Variants in RAB38 observed in about 807,000 individuals in gnomAD.
RAB38 encodes ras-related protein Rab-38.
In RAB38, 15 loss-of-function variants were observed where a neutral mutation model predicts 18.4. The ratio of observed to expected loss-of-function variants is 0.82; its 90% CI spans 0.55 to 1.26. The LOEUF is 1.26. Among genes scored for constraint, RAB38 ranks in the 50% most tolerant of loss-of-function variants. RAB38 has a pLI of 0.00. For missense variants in RAB38, 294 were observed against 267.4 expected (o/e 1.10, Z -0.69); for synonymous variants, 101 against 104.4 (o/e 0.97, Z 0.20).
At chr11:87,953,662 A>G in the RAB38 span, among the ~76,000 whole-genome samples, 5 of 152,174 alleles carry the variant, frequency 3.3e-5, no homozygotes, top group East Asian at 1.9e-4. Flanking sequence ...AAAACATACT[A>G]TCATGGTCTA....
the RAB38 span, among the ~76,000 whole-genome samples, chr11:87,822,141 C>A: frequency 6.7e-6 from 1 of 149,022 alleles, no homozygotes; most frequent in Non-Finnish European, 1.5e-5. Context: ...CAAGAGAAAC[C>A]AAAAAGTGTA....
At chr11:88,028,119 G>A in the RAB38 span, among the ~76,000 whole-genome samples, 4 of 152,136 alleles carry the variant, frequency 2.6e-5, no homozygotes, top group East Asian at 1.9e-4. Context: ...ACGCAAACAG[G>A]GTCTGGAGTG....
At chr11:87,886,316 AGTGT>A in the RAB38 span, among the ~76,000 whole-genome samples, 11 of 149,422 alleles carry the variant, frequency 7.4e-5, 1 homozygote, top group South Asian at 1.5e-3. Context: ...CTATGTTGTG[AGTGT>A]GTGTGTGTGT....
chr11:87,912,818 AC>A, the RAB38 span, among the ~76,000 whole-genome samples: 2 of 118,414 alleles, frequency 1.7e-5, no homozygotes, highest in Non-Finnish European at 3.6e-5. Flanking sequence ...TTTATACTAA[AC>A]ATATTCAGCA....
At chr11:87,829,692 A>G in the RAB38 span, among the ~76,000 whole-genome samples, 66 of 152,300 alleles carry the variant, frequency 4.3e-4, no homozygotes, top group African/African-American at 1.6e-3. Flanking sequence ...CTCTGAATCT[A>G]AAATAAAATA....
chr11:87,958,090 C>T, the RAB38 span, among the ~76,000 whole-genome samples: 1 of 152,036 alleles, frequency 6.6e-6, no homozygotes, highest in Non-Finnish European at 1.5e-5. Context: ...TGATCTCTTC[C>T]CAGGCTAGCA....
the RAB38 span, among the ~76,000 whole-genome samples, chr11:88,015,351 G>C: frequency 6.6e-6 from 1 of 152,108 alleles, no homozygotes; most frequent in Non-Finnish European, 1.5e-5. Context: ...ATGTAGTGTG[G>C]AGTCAGATTG....
the RAB38 span, among the ~76,000 whole-genome samples, chr11:87,976,576 T>C: frequency 3.0e-5 from 1 of 32,944 alleles, no homozygotes; most frequent in Non-Finnish European, 6.4e-5. Context: ...ATACAATAAA[T>C]ATATATATTT....
the RAB38 span, among the ~76,000 whole-genome samples, chr11:88,102,395 C>A: frequency 5.1e-4 from 78 of 152,108 alleles, no homozygotes; most frequent in African/African-American, 1.9e-3. Context: ...GATGACTGCT[C>A]TAGCTCTCAG....
intron 1 of RAB38, among the ~76,000 whole-genome samples, chr11:88,151,445 A>G (rs1943062598): frequency 6.6e-6 from 1 of 152,304 alleles, no homozygotes; most frequent in Admixed American, 6.5e-5. Context: ...TGAAGACAGG[A>G]GCTAATGAAG....
chr11:87,936,113 T>A, the RAB38 span, among the ~76,000 whole-genome samples: 1 of 152,066 alleles, frequency 6.6e-6, no homozygotes, highest in Non-Finnish European at 1.5e-5. Context: ...TCTCAGTAGG[T>A]TCTTTTGTAG....
At chr11:87,839,684 A>G in the RAB38 span, among the ~76,000 whole-genome samples, 14 of 152,334 alleles carry the variant, frequency 9.2e-5, no homozygotes, top group African/African-American at 2.9e-4. Context: ...CTTGAGAAAT[A>G]GCTGAAGAAA....
the RAB38 span, among the ~76,000 whole-genome samples, chr11:87,877,874 T>C: frequency 6.6e-6 from 1 of 151,550 alleles, no homozygotes; most frequent in East Asian, 2.0e-4. Context: ...AATTGCCAGA[T>C]TCCCCACTTG....
At chr11:88,026,733 G>C in the RAB38 span, among the ~76,000 whole-genome samples, 303 of 152,112 alleles carry the variant, frequency 2.0e-3, 2 homozygotes, top group Non-Finnish European at 1.9e-3. Context: ...ATGACAACTA[G>C]TAAATGCAGA....
chr11:88,087,563 A>G, the RAB38 span, among the ~76,000 whole-genome samples: 2 of 151,980 alleles, frequency 1.3e-5, no homozygotes, highest in Non-Finnish European at 2.9e-5. Flanking sequence ...GGGCTAATTC[A>G]TAGGCAATAC....
At chr11:87,926,754 C>T in the RAB38 span, among the ~76,000 whole-genome samples, 1 of 152,092 alleles carries the variant, frequency 6.6e-6, no homozygotes, top group South Asian at 2.1e-4. Flanking sequence ...CAGGACCTGA[C>T]CGGCTAATCT....
the RAB38 span, among the ~76,000 whole-genome samples, chr11:87,860,565 TATAA>T: frequency 1.3e-5 from 2 of 152,048 alleles, no homozygotes; most frequent in Middle Eastern, 3.4e-3. Flanking sequence ...TAAGGAAGTA[TATAA>T]ATAAAATTCA....
chr11:87,937,351 T>TATATATATA, the RAB38 span, among the ~76,000 whole-genome samples: 117 of 112,068 alleles, frequency 1.0e-3, no homozygotes, highest in South Asian at 2.6e-3. Flanking sequence ...TATATATATA[T>TATATATATA]CATAATTCTA....
At chr11:88,053,332 A>G in the RAB38 span, among the ~76,000 whole-genome samples, 3,503 of 106,748 alleles carry the variant, frequency 0.033, 138 homozygotes, top group Middle Eastern at 0.065. Context: ...ATACACACAC[A>G]TATATATGGA....
Sources: allele counts gnomAD v4.1 joint callset (sites outside exome capture counted in the v4.1 genomes callset), GRCh38; gene constraint gnomAD v4.1.1; transcripts MANE v1.5; gene names NCBI Gene and HGNC (gene_info 2026-07-23, HGNC 2026-07-21).